UBE3D: variants seen among roughly 807,000 people sequenced by gnomAD.
UBE3D encodes ubiquitin protein ligase E3D.
UBE3D carries 48 observed loss-of-function variants against 49.6 expected under a neutral mutation model. The observed-to-expected ratio is 0.97, with a 90% CI of 0.77 to 1.23. The LOEUF (loss-of-function observed/expected upper bound fraction) is 1.23, where lower values mean the gene tolerates loss of function less well. Among genes scored for constraint, UBE3D ranks in the 50% most tolerant of loss-of-function variants. The pLI is 0.00. For synonymous variants in UBE3D, 189 were observed against 174.2 expected, an observed-to-expected ratio of 1.08 and a Z score of -0.67; for missense variants, 452 against 468.4, an observed-to-expected ratio of 0.96 and a Z score of 0.32.
chr6:82,896,311 A>G (rs1771309919), intron 9 of UBE3D, among the ~76,000 whole-genome samples: 1 of 152,210 alleles, frequency 6.6e-6, no homozygotes, highest in African/African-American at 2.4e-5. Context: ...CCCCAAAGTA[A>G]AAGTTTTAAA....
the UBE3D span, among the ~76,000 whole-genome samples, chr6:82,887,389 G>GTTTTTGTTTTGTTTTGTTTTTT: frequency 1.3e-3 from 123 of 98,306 alleles, 2 homozygotes; most frequent in Middle Eastern, 6.2e-3. Context: ...GACAGTAACA[G>GTTTTTGTTTTGTTTTGTTTTTT]TTTTTTTTTT....
chr6:82,994,269 T>C (rs1294243826), intron 8 of UBE3D, among the ~76,000 whole-genome samples: 1 of 152,122 alleles, frequency 6.6e-6, no homozygotes, highest in Non-Finnish European at 1.5e-5. Context: ...CTTACAGAAA[T>C]ATTACCAAAA....
intron 8 of UBE3D, among the ~76,000 whole-genome samples, chr6:82,981,284 T>C (rs1317519350): frequency 6.6e-6 from 1 of 152,116 alleles, no homozygotes; most frequent in African/African-American, 2.4e-5. Context: ...AAAGCTTTCT[T>C]GTGAATATCA....
At chr6:83,016,016 C>G (rs1441032834) in intron 8 of UBE3D, among the ~76,000 whole-genome samples, 1 of 152,168 alleles carries the variant, frequency 6.6e-6, no homozygotes, top group African/African-American at 2.4e-5. Flanking sequence ...CCCAATTAAT[C>G]CCTTCACTTT....
At chr6:83,061,876 C>T (rs971758489) in intron 1 of UBE3D, among the ~76,000 whole-genome samples, 8 of 152,126 alleles carry the variant, frequency 5.3e-5, no homozygotes, top group East Asian at 1.9e-4. Context: ...CCAACTCACC[C>T]GCATCTCTCT....
intron 8 of UBE3D, among the ~76,000 whole-genome samples, chr6:82,990,223 C>T (rs1340036660): frequency 6.6e-6 from 1 of 152,190 alleles, no homozygotes; most frequent in East Asian, 1.9e-4. Context: ...CCCTAATTCA[C>T]TATGCCAACA....
At chr6:82,898,710 G>A (rs1771515117) in intron 9 of UBE3D, among the ~76,000 whole-genome samples, 1 of 152,116 alleles carries the variant, frequency 6.6e-6, no homozygotes, top group African/African-American at 2.4e-5. Context: ...ATAGCATTAG[G>A]AGAAATACCT....
chr6:82,910,900 A>G (rs1424746117), intron 9 of UBE3D, among the ~76,000 whole-genome samples: 1 of 152,184 alleles, frequency 6.6e-6, no homozygotes, highest in African/African-American at 2.4e-5. Context: ...GTGGCTCACC[A>G]ATTTTTCAAA....
intron 9 of UBE3D, among the ~76,000 whole-genome samples, chr6:82,954,289 C>T (rs1466715366): frequency 6.6e-6 from 1 of 152,186 alleles, no homozygotes; most frequent in African/African-American, 2.4e-5. Flanking sequence ...TCAAATCCTA[C>T]ATTTTGTTGG....
chr6:83,013,550 C>T (rs1370843750), intron 8 of UBE3D, among the ~76,000 whole-genome samples: 1 of 152,178 alleles, frequency 6.6e-6, no homozygotes, highest in African/African-American at 2.4e-5. Flanking sequence ...TTTTGGGTAA[C>T]TCAATAAATG....
intron 9 of UBE3D, among the ~76,000 whole-genome samples, chr6:82,901,712 G>A (rs184227321): frequency 6.6e-6 from 1 of 152,232 alleles, no homozygotes; most frequent in East Asian, 1.9e-4. Context: ...GTGCTGATTT[G>A]GGTGCCCAAA....
intron 8 of UBE3D, among the ~76,000 whole-genome samples, chr6:82,972,520 C>T (rs1048584245): frequency 6.6e-6 from 1 of 152,098 alleles, no homozygotes; most frequent in Non-Finnish European, 1.5e-5. Flanking sequence ...GCCTTTAGAC[C>T]TTTTGTGAAG....
chr6:82,911,031 C>T (rs1160026232), intron 9 of UBE3D, among the ~76,000 whole-genome samples: 4 of 151,602 alleles, frequency 2.6e-5, no homozygotes, highest in Admixed American at 2.0e-4. Flanking sequence ...ATATAGACAC[C>T]ACAGAGGTGA....
At chr6:83,052,775 G>A (rs553733428) in intron 3 of UBE3D, among the ~76,000 whole-genome samples, 1 of 152,256 alleles carries the variant, frequency 6.6e-6, no homozygotes, top group East Asian at 1.9e-4. Flanking sequence ...GAGAAATGGG[G>A]GGCCATGGAG....
intron 9 of UBE3D, among the ~76,000 whole-genome samples, chr6:82,921,564 A>T (rs1773341297): frequency 6.6e-6 from 1 of 152,200 alleles, no homozygotes; most frequent in African/African-American, 2.4e-5. Flanking sequence ...TCTACCTTTT[A>T]GAGGCAGATG....
chr6:83,045,926 G>C (rs1490513334), intron 3 of UBE3D, among the ~76,000 whole-genome samples: 5 of 151,948 alleles, frequency 3.3e-5, no homozygotes, highest in African/African-American at 1.2e-4. Context: ...TTATTTTTCA[G>C]ACACTTGAGA....
intron 8 of UBE3D, among the ~76,000 whole-genome samples, chr6:82,977,973 T>A (rs555622265): frequency 6.6e-6 from 1 of 152,214 alleles, no homozygotes; most frequent in African/African-American, 2.4e-5. Context: ...ACTTTTCCTG[T>A]AGCAGCTCCA....
At chr6:82,907,842 T>C (rs970775745) in intron 9 of UBE3D, among the ~76,000 whole-genome samples, 1 of 152,152 alleles carries the variant, frequency 6.6e-6, no homozygotes, top group Non-Finnish European at 1.5e-5. Flanking sequence ...CCTAGATATG[T>C]ACCTGAGAGA....
At chr6:83,009,678 C>T (rs1780211969) in intron 8 of UBE3D, among the ~76,000 whole-genome samples, 2 of 96,842 alleles carry the variant, frequency 2.1e-5, no homozygotes, top group Non-Finnish European at 4.2e-5. Context: ...AGTGAGCGCT[C>T]ACATTTAAAC....
Sources: allele counts gnomAD v4.1 joint callset (sites outside exome capture counted in the v4.1 genomes callset), GRCh38; gene constraint gnomAD v4.1.1; transcripts MANE v1.5; gene names NCBI Gene and HGNC (gene_info 2026-07-23, HGNC 2026-07-21).